The following ITGB5 variants were observed in gnomAD, a reference collection of about 807,000 sequenced individuals.
ITGB5 encodes integrin subunit beta 5.
In ITGB5, 38 loss-of-function variants were observed where a neutral mutation model predicts 84.8. The ratio of observed to expected loss-of-function variants is 0.45; its 90% CI spans 0.35 to 0.59. The LOEUF is 0.59. ITGB5 is among the 20% of genes least tolerant of loss of function. The pLI is 0.01. For missense variants in ITGB5, 905 were observed against 1,034.5 expected (o/e 0.87, Z 1.72); for synonymous variants, 393 against 414.4 (o/e 0.95, Z 0.63).
intron 14 of ITGB5, 38 bp downstream of exon 14, chr3:124,764,353 T>C: frequency 1.9e-6 from 3 of 1,584,192 alleles, no homozygotes; most frequent in Non-Finnish European, 2.6e-6. Context: ...GCCTCTGAGC[T>C]TGAAGTCTCC....
upstream of ITGB5, among the ~76,000 whole-genome samples, chr3:124,890,605 C>A (rs560130501): frequency 6.6e-6 from 1 of 152,292 alleles, no homozygotes; most frequent in African/African-American, 2.4e-5. Context: ...TCAGTTTGAT[C>A]TGTCTCAGAC....
In ITGB5 at chr3:124,875,656, A is replaced by G. The variant is rs543932735; in HGVS notation, c.71-2125T>C. 1.1e-4 allele frequency among the ~76,000 whole-genome samples: 16 copies of G among 152,296 alleles called. 1 individual carries two copies. In the South Asian group the frequency reaches 3.3e-3, roughly 32 times the overall value. ...TTCCAGCAATTCCACTTCGGGGTATATAGTCAAAGAAAATGAAATCAGTAT... is the reference window on the plus strand; with the variant it reads ...TTCCAGCAATTCCACTTCGGGGTATGTAGTCAAAGAAAATGAAATCAGTAT... On this transcript the variant is annotated intron_variant, in intron 1 of 14. Transcript: ENST00000296181.
intron 11 of ITGB5, among the ~76,000 whole-genome samples, chr3:124,773,044 T>TA (rs1210914387): frequency 6.6e-6 from 1 of 151,830 alleles, no homozygotes; most frequent in African/African-American, 2.4e-5. Context: ...CAGCTGAGAT[T>TA]ACAGGCACGT....
At chr3:124,816,131 G>C (rs1003543298) in intron 8 of ITGB5, among the ~76,000 whole-genome samples, 1 of 152,050 alleles carries the variant, frequency 6.6e-6, no homozygotes. Flanking sequence ...GAAGAAAGGG[G>C]GTAAAAACAA....
upstream of ITGB5, among the ~76,000 whole-genome samples, chr3:124,889,860 A>C (rs1934959010): frequency 6.6e-6 from 1 of 152,122 alleles, no homozygotes; most frequent in South Asian, 2.1e-4. Context: ...AAAAATACAA[A>C]AATTAGCTGG....
At chr3:124,817,526 C>T (rs1225414152) in intron 8 of ITGB5, 95 bp downstream of exon 8, 22 of 644,906 alleles carry the variant, frequency 3.4e-5, no homozygotes, top group Non-Finnish European at 4.6e-5. Context: ...AAGAGCAGCA[C>T]GGAGAACTGC....
Position 124,769,122 on chromosome 3 carries a change from A to G in ITGB5, c.1917-9T>C, listed in dbSNP as rs368352843. The G allele has an allele frequency of 6.8e-6, 11 of 1,612,300 alleles. No homozygotes were observed. In the African/African-American group the frequency reaches 1.3e-4, roughly 20 times the overall value. ...GGCACTCGACGCAATCTCTTTGGAA[A>G]AGAGGAGATAAAGGTGGGTGTCAGA... On this transcript the variant is annotated splice_polypyrimidine_tract_variant and intron_variant, in intron 11 of 14. Coordinates refer to ENST00000296181, the MANE Select transcript of ITGB5 (RefSeq NM_002213.5).
chr3:124,829,610 G>A (rs17236542), intron 5 of ITGB5, among the ~76,000 whole-genome samples: 2,016 of 152,176 alleles, frequency 0.013, 18 homozygotes, highest in Non-Finnish European at 0.021. Context: ...CTTTCAGCCA[G>A]TGCTCTCCTC....
At chr3:124,889,348 G>A (rs1160314623), upstream of ITGB5, among the ~76,000 whole-genome samples, 2 of 152,156 alleles carry the variant, frequency 1.3e-5, no homozygotes, top group Non-Finnish European at 2.9e-5. Context: ...TTCTAACCTG[G>A]AAGCCCCCAC....
intron 1 of ITGB5, among the ~76,000 whole-genome samples, chr3:124,883,891 G>A (rs76656145): frequency 0.02 from 2,970 of 152,218 alleles, 146 homozygotes; most frequent in East Asian, 0.1. Context: ...ATAATAAAAA[G>A]AGCAGGAGAT....
chr3:124,775,222 G>A (rs1049260214), intron 10 of ITGB5, among the ~76,000 whole-genome samples: 2 of 151,746 alleles, frequency 1.3e-5, no homozygotes, highest in Admixed American at 1.3e-4. Flanking sequence ...AAGCGAGTGT[G>A]AGTGTGTATG....
intron 6 of ITGB5, among the ~76,000 whole-genome samples, chr3:124,820,874 A>G (rs1386613075): frequency 6.6e-6 from 1 of 152,168 alleles, no homozygotes; most frequent in Non-Finnish European, 1.5e-5. Flanking sequence ...GCCCACCACC[A>G]CTAACACTGA....
At chr3:124,896,197 C>T (rs960253237) in intron 1 of ITGB5, among the ~76,000 whole-genome samples, 1 of 152,162 alleles carries the variant, frequency 6.6e-6, no homozygotes, top group Admixed American at 6.5e-5. Flanking sequence ...CAAGAGGCCT[C>T]CATCAGCTTC....
At chr3:124,884,733 C>G (rs1934726075) in intron 1 of ITGB5, among the ~76,000 whole-genome samples, 1 of 151,838 alleles carries the variant, frequency 6.6e-6, no homozygotes, top group Non-Finnish European at 1.5e-5. Flanking sequence ...AAAACAGGAC[C>G]CCAAAAGAGT....
intron 2 of ITGB5, 137 bp downstream of exon 2, chr3:124,873,309 A>C: frequency 1.4e-6 from 1 of 727,448 alleles, no homozygotes; most frequent in Non-Finnish European, 2.5e-6. Context: ...CTCTGCCCTG[A>C]TGGGGAAGAG....
At chr3:124,890,298 G>C (rs1934971152), upstream of ITGB5, among the ~76,000 whole-genome samples, 1 of 148,042 alleles carries the variant, frequency 6.8e-6, no homozygotes, top group South Asian at 2.2e-4. Context: ...CTGCCTCCCA[G>C]GTTCAAGCAA....
At chr3:124,875,476 CAA>C (rs35782965) in intron 1 of ITGB5, among the ~76,000 whole-genome samples, 9 of 104,636 alleles carry the variant, frequency 8.6e-5, no homozygotes, top group Admixed American at 2.1e-4. Context: ...GACTCTGTCT[CAA>C]AAAAAAAAAA....
intron 2 of ITGB5, among the ~76,000 whole-genome samples, chr3:124,872,411 T>C (rs527370584): frequency 1.1e-4 from 16 of 152,298 alleles, no homozygotes; most frequent in African/African-American, 3.1e-4. Flanking sequence ...GGATCAGAGA[T>C]ATTGTATGAT....
At chr3:124,888,742 G>T (rs538841173), upstream of ITGB5, among the ~76,000 whole-genome samples, 1 of 152,284 alleles carries the variant, frequency 6.6e-6, no homozygotes, top group South Asian at 2.1e-4. Flanking sequence ...CAGTAAGGGG[G>T]AAAGAACAAA....
Sources: gnomAD v4.1 joint callset for allele counts (sites outside exome capture counted in the v4.1 genomes callset) on GRCh38, gnomAD v4.1.1 for gene constraint, MANE v1.5 for transcripts, NCBI Gene and HGNC (gene_info 2026-07-23, HGNC 2026-07-21) for gene names.